The following FAF2 variants were observed in gnomAD, a reference collection of about 807,000 sequenced individuals.
FAF2 encodes the protein Fas associated factor family member 2.
In FAF2, 9 loss-of-function variants were observed where a neutral mutation model predicts 62.3. The ratio of observed to expected loss-of-function variants is 0.14; its 90% CI spans 0.09 to 0.25. FAF2 has a LOEUF of 0.25. FAF2 is among the 10% of genes least tolerant of loss of function. The pLI, the probability that FAF2 is intolerant of heterozygous loss-of-function variation, is 1.00. For missense variants in FAF2, 368 were observed against 556.2 expected (o/e 0.66, Z 3.40); for synonymous variants, 202 against 198.0 (o/e 1.02, Z -0.17).
At chr5:176,486,599 C>T (rs1217188199) in intron 3 of FAF2, 110 bp downstream of exon 3, 1 of 1,155,816 alleles carries the variant, frequency 8.7e-7, no homozygotes. Flanking sequence ...GAATGTAAAC[C>T]TGTTAGTTAG....
At chr5:176,458,401 T>C (rs1419789977) in intron 1 of FAF2, among the ~76,000 whole-genome samples, 1 of 78,000 alleles carries the variant, frequency 1.3e-5, no homozygotes, top group African/African-American at 5.3e-5. Context: ...TATTTTTCTT[T>C]TTCTTCCTTT....
At chr5:176,451,113 G>A (rs1006938333) in intron 1 of FAF2, among the ~76,000 whole-genome samples, 1 of 152,258 alleles carries the variant, frequency 6.6e-6, no homozygotes, top group East Asian at 1.9e-4. Flanking sequence ...GCTCATGCTT[G>A]TAATCCCAGC....
At chr5:176,496,148 A>G (rs1755471573) in intron 7 of FAF2, among the ~76,000 whole-genome samples, 1 of 152,114 alleles carries the variant, frequency 6.6e-6, no homozygotes, top group Non-Finnish European at 1.5e-5. Context: ...GCACCTAGGG[A>G]TAGGCATGCA....
intron 10 of FAF2, among the ~76,000 whole-genome samples, chr5:176,505,023 G>GAAA (rs571061959): frequency 1.6e-5 from 2 of 122,106 alleles, no homozygotes; most frequent in Admixed American, 8.5e-5. Flanking sequence ...ACCTGTCTGG[G>GAAA]AAAAAAAAAA....
intron 1 of FAF2, chr5:176,453,178 A>G (rs1425859101): frequency 6.6e-6 from 1 of 152,200 alleles, no homozygotes; most frequent in Non-Finnish European, 1.5e-5. Flanking sequence ...GTTTTCAGCT[A>G]TTTCAGATGG....
At chr5:176,479,750 G>A (rs761732578) in intron 2 of FAF2, among the ~76,000 whole-genome samples, 2 of 151,784 alleles carry the variant, frequency 1.3e-5, no homozygotes, top group Non-Finnish European at 2.9e-5. Context: ...AGGCTAGAGT[G>A]CAGTGGCGTG....
At chr5:176,449,331 C>G (rs1758123737) in intron 1 of FAF2, among the ~76,000 whole-genome samples, 1 of 152,204 alleles carries the variant, frequency 6.6e-6, no homozygotes, top group Non-Finnish European at 1.5e-5. Flanking sequence ...AATCCCAGCA[C>G]TTTGGGAGGC....
chr5:176,501,630 G>A (rs1455130831), intron 10 of FAF2, among the ~76,000 whole-genome samples: 2 of 152,248 alleles, frequency 1.3e-5, no homozygotes, highest in Non-Finnish European at 2.9e-5. Context: ...CAGAATGTAA[G>A]ACTCAGAGAA....
chr5:176,453,618 T>C (rs1195615868), intron 1 of FAF2: 3 of 152,120 alleles, frequency 2.0e-5, no homozygotes, highest in Non-Finnish European at 4.4e-5. Flanking sequence ...ATTTGAGGGT[T>C]TTTTGCCAGA....
In FAF2 at chr5:176,500,414, C is replaced by T. The variant is rs375379521; in HGVS notation, c.1155+268C>T. Among the ~76,000 whole-genome samples the T allele has an allele frequency of 3.3e-5, 5 of 152,246 alleles. No individual in the cohort carries two copies. In the East Asian group the frequency reaches 7.7e-4, roughly 24 times the overall value. On this transcript the variant is annotated intron_variant, in intron 10 of 10. Transcript: ENST00000261942. The stretch of plus-strand genomic sequence containing the variant: ...TCGGCTCTGCTAAGAAAAAAAGGTA[C>T]CTTACATAAGTCCCTCAAAAGACTT...
At chr5:176,490,836 A>C (rs1157865778) in intron 4 of FAF2, among the ~76,000 whole-genome samples, 2 of 87,554 alleles carry the variant, frequency 2.3e-5, no homozygotes, top group East Asian at 3.2e-4. Context: ...AATATTGTGT[A>C]ATGAGGAAAA....
chr5:176,509,530 A>G lies in FAF2; in HGVS notation c.*2580A>G, dbSNP rs1219567152. 6.6e-6 allele frequency: 1 copy of G among 152,546 alleles called. No homozygotes were observed. The highest frequency in any genetic ancestry group is 6.5e-5 in the Admixed American group (1 of 15,268). 9.4% of individuals were successfully genotyped at this position (152,546 alleles called of 1,614,324 possible). ...TAGATTGAGCTGAATAACCATGGGA[A>G]GTGACCAAGCAAAGACACTCGATTG... is the stretch of plus-strand genomic sequence containing the variant. On this transcript the variant is annotated 3_prime_UTR_variant, in exon 11 of 11. Coordinates refer to ENST00000261942, the MANE Select transcript of FAF2 (RefSeq NM_014613.3).
chr5:176,472,921 C>A (rs551848800), intron 1 of FAF2, among the ~76,000 whole-genome samples: 9 of 152,064 alleles, frequency 5.9e-5, no homozygotes, highest in Admixed American at 1.3e-4. Flanking sequence ...CTCCCTCCTT[C>A]AAGTTTTGTT....
chr5:176,477,675 T>TA (rs1758727748), intron 1 of FAF2, among the ~76,000 whole-genome samples: 1 of 152,256 alleles, frequency 6.6e-6, no homozygotes, highest in Admixed American at 6.5e-5. Flanking sequence ...AAATGAAAAC[T>TA]TGTATACCTA....
chr5:176,455,369 A>G (rs1307573180), intron 1 of FAF2, among the ~76,000 whole-genome samples: 1 of 152,146 alleles, frequency 6.6e-6, no homozygotes. Flanking sequence ...GCATCACCTT[A>G]GCCTAGGAGG....
intron 7 of FAF2, among the ~76,000 whole-genome samples, chr5:176,495,164 A>G (rs1177990187): frequency 1.3e-5 from 2 of 152,212 alleles, no homozygotes; most frequent in Non-Finnish European, 2.9e-5. Context: ...GAAGGCATCC[A>G]GTGAGGAAAA....
At chr5:176,454,388 C>T (rs1017257252) in intron 1 of FAF2, among the ~76,000 whole-genome samples, 4 of 149,192 alleles carry the variant, frequency 2.7e-5, no homozygotes, top group Non-Finnish European at 4.4e-5. Context: ...AGTGCGACTC[C>T]GTCTCAAAAT....
rs1049939195 is a variant in FAF2, at chr5:176,494,873, C to T, written c.661+598C>T. On this transcript the variant is annotated intron_variant, in intron 7 of 10. Coordinates refer to ENST00000261942, the MANE Select transcript of FAF2 (RefSeq NM_014613.3). The surrounding 1 kb of genome is among the most constrained non-coding windows in gnomAD (Gnocchi z 4.0). The stretch of plus-strand genomic sequence containing the variant: ...TAATTAGCAAGTTGTAGCGTACAGT[C>T]GGGTCTGCCAGATTCTAAAGCCCGT... Among the ~76,000 whole-genome samples the T allele has an allele frequency of 1.3e-5, 2 of 152,106 alleles. No individual in the cohort carries two copies. The highest frequency in any genetic ancestry group is 2.9e-5 in the Non-Finnish European group (2 of 68,016).
intron 10 of FAF2, among the ~76,000 whole-genome samples, chr5:176,501,375 A>C (rs957947030): frequency 2.0e-5 from 3 of 152,226 alleles, no homozygotes; most frequent in African/African-American, 7.2e-5. Flanking sequence ...TTAAAAGAGG[A>C]TGCACTGTAG....
Sources: gnomAD v4.1 joint callset for allele counts (sites outside exome capture counted in the v4.1 genomes callset) on GRCh38, gnomAD v4.1.1 for gene constraint, Gnocchi (gnomAD v3.1) non-coding constraint, MANE v1.5 for transcripts, NCBI Gene and HGNC (gene_info 2026-07-23, HGNC 2026-07-21) for gene names.